The following ARID4A variants were observed in gnomAD, a reference collection of about 807,000 sequenced individuals.
The protein encoded by ARID4A is AT-rich interactive domain-containing protein 4A.
Under a neutral mutation model 148.6 loss-of-function variants are expected in ARID4A, and 39 were observed. The ratio of observed to expected loss-of-function variants is 0.26; its 90% CI spans 0.20 to 0.34. The LOEUF (loss-of-function observed/expected upper bound fraction) is 0.34. ARID4A is among the 10% of genes least tolerant of loss of function. The pLI is 1.00. For missense variants in ARID4A, 1,265 were observed against 1,449.1 expected (o/e 0.87, Z 2.06); for synonymous variants, 475 against 481.2 (o/e 0.99, Z 0.17).
chr14:58,302,127 G>C (rs1594857706), intron 3 of ARID4A, among the ~76,000 whole-genome samples: 2 of 152,280 alleles, frequency 1.3e-5, no homozygotes, highest in East Asian at 3.9e-4. Context: ...GGAGGCCGAA[G>C]TGGGCAGATC....
At chr14:58,346,868 C>T in intron 13 of ARID4A, 152 bp from the exon 14 acceptor site, 2 of 385,968 alleles carry the variant, frequency 5.2e-6, no homozygotes, top group South Asian at 4.4e-5. Context: ...GTCGAGGCTG[C>T]AGTGAGCCCT....
At chr14:58,308,241 T>G (rs1022328341) in intron 5 of ARID4A, among the ~76,000 whole-genome samples, 1 of 152,196 alleles carries the variant, frequency 6.6e-6, no homozygotes, top group African/African-American at 2.4e-5. Flanking sequence ...TCAAAGAGCT[T>G]TAGAATCTTA....
intron 5 of ARID4A, among the ~76,000 whole-genome samples, chr14:58,312,441 C>G (rs1258416984): frequency 6.6e-6 from 1 of 152,010 alleles, no homozygotes; most frequent in Non-Finnish European, 1.5e-5. Context: ...GTCTCGAACT[C>G]CTGAGCTCAA....
intron 11 of ARID4A, among the ~76,000 whole-genome samples, chr14:58,333,953 TGA>T (rs1248085679): frequency 6.6e-6 from 1 of 152,142 alleles, no homozygotes; most frequent in African/African-American, 2.4e-5. Flanking sequence ...CAACCTTCCA[TGA>T]ATAATTGGGA....
intron 3 of ARID4A, among the ~76,000 whole-genome samples, chr14:58,304,429 C>T (rs537766488): frequency 1.2e-3 from 186 of 152,228 alleles, no homozygotes; most frequent in Non-Finnish European, 2.0e-3. Flanking sequence ...CCATCTGTTA[C>T]GGATGGTTAC....
intron 16 of ARID4A, among the ~76,000 whole-genome samples, chr14:58,352,933 C>T (rs2034703409): frequency 6.6e-6 from 1 of 152,130 alleles, no homozygotes; most frequent in Admixed American, 6.5e-5. Context: ...GATGAGTAAA[C>T]AAATAGAATT....
In ARID4A at chr14:58,356,925, T is replaced by C. The variant is rs375539302; in HGVS notation, c.1854-2207T>C. ...CCATGTTGGCCAGGATGGTCTCGAT[T>C]TCTTGACCTTGTGATCGCCCGCCTC... On this transcript the variant is annotated intron_variant, in intron 17 of 23. Transcript: ENST00000355431. Among the ~76,000 whole-genome samples the C allele has an allele frequency of 2.6e-5, 4 of 152,184 alleles. 1 individual carries two copies.
At chr14:58,308,112 A>G (rs916620111) in intron 5 of ARID4A, among the ~76,000 whole-genome samples, 14 of 152,222 alleles carry the variant, frequency 9.2e-5, no homozygotes, top group Non-Finnish European at 5.9e-5. Context: ...ATGAATAGCA[A>G]CCTTTGTCCT....
intron 2 of ARID4A, 76 bp downstream of exon 2, chr14:58,299,936 ATTT>A: frequency 6.3e-7 from 1 of 1,598,132 alleles, no homozygotes; most frequent in Non-Finnish European, 8.6e-7. Flanking sequence ...GTGGAATGTC[ATTT>A]GTTTTGCTAC....
intron 3 of ARID4A, 39 bp from the exon 4 acceptor site, chr14:58,304,905 A>G: frequency 2.6e-6 from 4 of 1,523,058 alleles, no homozygotes; most frequent in Non-Finnish European, 3.6e-6. Flanking sequence ...TATTTGTTTT[A>G]AAAGTAATAT....
chr14:58,351,862 T>C (rs898342039), intron 16 of ARID4A, among the ~76,000 whole-genome samples: 4 of 152,342 alleles, frequency 2.6e-5, no homozygotes, highest in African/African-American at 7.2e-5. Flanking sequence ...TTTTTTAATG[T>C]CCATCCTGTT....
chr14:58,346,636 A>G (rs1406517698), intron 13 of ARID4A, 131 bp downstream of exon 13: 3 of 643,004 alleles, frequency 4.7e-6, no homozygotes, highest in East Asian at 3.3e-5. Flanking sequence ...TAGGATAAAG[A>G]TCTTTTCCTG....
rs2035383149 is a variant in ARID4A, at chr14:58,366,941, G to A, written c.3582G>A (p.Gln1194=). ...ERISFLQEKL[Q]EIRKYYMSLK... ...TCTCATTTCTCCAAGAAAAACTACA[G>A]GAAATCAGAAAATATTATATGTCTT... The change falls in exon 23 of 24, where the codon CAG becomes CAA. Residue 1194 remains glutamine, a synonymous_variant. Coordinates refer to ENST00000355431, the MANE Select transcript of ARID4A (RefSeq NM_002892.4). 3 of 1,520,690 alleles carry A rather than the reference G, an allele frequency of 2.0e-6. No homozygotes were observed. Among genetic ancestry groups the A allele is most frequent in the Non-Finnish European group, 2.6e-6 (3 of 1,144,040 alleles). The allele number at this position is 1,520,690 out of a possible 1,614,324, so 94.2% of individuals were successfully genotyped here. A position where few individuals can be genotyped will look rare whatever the true frequency, so the allele number is the denominator to read the frequency against.
chr14:58,324,068 C>G (rs2033080044), intron 8 of ARID4A, among the ~76,000 whole-genome samples: 1 of 151,814 alleles, frequency 6.6e-6, no homozygotes, highest in Non-Finnish European at 1.5e-5. Context: ...CCACGCCTGG[C>G]TAATTTTTTG....
intron 10 of ARID4A, 96 bp from the exon 11 acceptor site, chr14:58,329,907 T>G (rs899238362): frequency 1.1e-5 from 16 of 1,512,648 alleles, no homozygotes; most frequent in Admixed American, 4.8e-5. Context: ...GACAGCCGAA[T>G]TTGAATTCAG....
intron 8 of ARID4A, among the ~76,000 whole-genome samples, chr14:58,327,004 A>G (rs1170016434): frequency 6.6e-6 from 1 of 152,220 alleles, no homozygotes; most frequent in East Asian, 1.9e-4. Flanking sequence ...CACCAAGCAA[A>G]CAAACAAATA....
chr14:58,306,555 A>G (rs890526845), intron 5 of ARID4A, among the ~76,000 whole-genome samples: 2 of 152,180 alleles, frequency 1.3e-5, no homozygotes, highest in African/African-American at 4.8e-5. Context: ...TTAGTTTTTG[A>G]TTTTTGATAC....
Position 58,301,562 on chromosome 14 carries a change from T to G in ARID4A, c.7-18T>G, listed in dbSNP as rs755126685. The G allele has an allele frequency of 4.8e-5, 76 of 1,592,744 alleles. 1 individual carries two copies. In the South Asian group the frequency reaches 8.3e-4, roughly 17 times the overall value. ...AGGCATAGTAATGACATTCACAGTT[T>G]TATGTTCCTTTCACCAGGCGGCAGA... is the stretch of plus-strand genomic sequence containing the variant. On this transcript the variant is annotated intron_variant, in intron 2 of 23. Transcript: ENST00000355431.
rs1272794275 is a variant in ARID4A at position 58,360,807 on chromosome 14, A to C, written c.1939-94A>C. 4.5e-6 allele frequency: 6 copies of C among 1,324,814 alleles called. No individual in the cohort carries two copies. In the Admixed American group the frequency reaches 6.5e-5, roughly 14 times the overall value. The allele number at this position is 1,324,814 out of a possible 1,614,324, so 82.1% of individuals were successfully genotyped here. On this transcript the variant is annotated intron_variant, in intron 18 of 23. Coordinates refer to ENST00000355431, the MANE Select transcript of ARID4A (RefSeq NM_002892.4). ...TAGGAAGTGACATATAAAATATCAAACCTTTTTTGAGATGTAGTTTTCTTT... is the reference window on the plus strand; with the variant it reads ...TAGGAAGTGACATATAAAATATCAACCCTTTTTTGAGATGTAGTTTTCTTT...
Sources: allele counts gnomAD v4.1 joint callset (sites outside exome capture counted in the v4.1 genomes callset), GRCh38; gene constraint gnomAD v4.1.1; transcripts MANE v1.5; gene names NCBI Gene and HGNC (gene_info 2026-07-23, HGNC 2026-07-21).